The following ZNF804B variants were observed in gnomAD, a reference collection of about 807,000 sequenced individuals.
The protein encoded by ZNF804B is zinc finger 804B.
In ZNF804B, 80 loss-of-function variants were observed where a neutral mutation model predicts 101.4. The observed-to-expected ratio is 0.79, with a 90% CI of 0.66 to 0.95. The LOEUF is 0.95. Among genes scored for constraint, ZNF804B ranks in the 40% least tolerant of loss-of-function variants. The pLI is 0.00. For synonymous variants in ZNF804B, 622 were observed against 558.8 expected (o/e 1.11, Z -1.59); for missense variants, 1,673 against 1,561.9 (o/e 1.07, Z -1.20).
chr7:89,124,365 G>A (rs983100907), intron 1 of ZNF804B, among the ~76,000 whole-genome samples: 1 of 152,130 alleles, frequency 6.6e-6, no homozygotes, highest in African/African-American at 2.4e-5. Context: ...ATACAAGGGA[G>A]AAAAGTTTGG....
chr7:88,875,701 A>T (rs551995472), intron 1 of ZNF804B, among the ~76,000 whole-genome samples: 4 of 152,106 alleles, frequency 2.6e-5, no homozygotes, highest in African/African-American at 9.7e-5. Flanking sequence ...CCAGGACCAG[A>T]TGGATTCACA....
chr7:88,785,930 T>C (rs1012602323), intron 1 of ZNF804B, among the ~76,000 whole-genome samples: 8 of 152,126 alleles, frequency 5.3e-5, no homozygotes, highest in Non-Finnish European at 5.9e-5. Context: ...TAGGAAACCA[T>C]TGTAACTTGT....
chr7:89,101,008 A>T (rs938507275), intron 1 of ZNF804B, among the ~76,000 whole-genome samples: 2 of 152,092 alleles, frequency 1.3e-5, no homozygotes, highest in African/African-American at 2.4e-5. Context: ...AATGTAATTC[A>T]TACCAAACCA....
intron 2 of ZNF804B, among the ~76,000 whole-genome samples, chr7:89,235,224 T>G (rs1789262378): frequency 6.6e-6 from 1 of 152,210 alleles, no homozygotes; most frequent in Admixed American, 6.5e-5. Context: ...TAGAAATTTC[T>G]GTTTATTTTT....
intron 1 of ZNF804B, chr7:88,794,966 G>T: frequency 6.6e-7 from 1 of 1,526,496 alleles, no homozygotes; most frequent in Non-Finnish European, 8.8e-7. Flanking sequence ...TATTTTTCCA[G>T]ATGATTCCAG....
At position 88,819,840 on chromosome 7, in the gene ZNF804B, C is replaced by T. The variant is rs1466627034; in HGVS notation, c.108+59756C>T. ...AATTATGATTCCACTGCTTGAAATC[C>T]TGGCATTTATTGAAGATTCCTCAAA... On this transcript the variant is annotated intron_variant, in intron 1 of 3. Coordinates refer to ENST00000333190, the MANE Select transcript of ZNF804B (RefSeq NM_181646.5). Among the ~76,000 whole-genome samples the T allele has an allele frequency of 3.9e-5, 6 of 152,062 alleles. No homozygotes were observed. In the East Asian group the frequency reaches 1.2e-3, roughly 29 times the overall value.
At chr7:88,947,478 A>G (rs932958171) in intron 1 of ZNF804B, among the ~76,000 whole-genome samples, 2 of 151,840 alleles carry the variant, frequency 1.3e-5, no homozygotes, top group South Asian at 2.1e-4. Flanking sequence ...GAACACGTGG[A>G]CACAGGGAGG....
intron 1 of ZNF804B, among the ~76,000 whole-genome samples, chr7:88,786,230 C>T (rs770679745): frequency 1.3e-5 from 2 of 152,152 alleles, no homozygotes; most frequent in Admixed American, 1.3e-4. Context: ...GACACCTTGG[C>T]ACCTAAATTT....
At chr7:88,846,714 A>G (rs1481048392) in intron 1 of ZNF804B, among the ~76,000 whole-genome samples, 1 of 152,134 alleles carries the variant, frequency 6.6e-6, no homozygotes, top group Non-Finnish European at 1.5e-5. Context: ...AAAAGGGTAT[A>G]TGTCTATATG....
At chr7:89,092,747 C>T (rs190632299) in intron 1 of ZNF804B, among the ~76,000 whole-genome samples, 2 of 152,254 alleles carry the variant, frequency 1.3e-5, no homozygotes, top group Admixed American at 1.3e-4. Flanking sequence ...GTCTCCTCAG[C>T]TCCTTTGACA....
At chr7:88,955,161 T>C (rs1484236153) in intron 1 of ZNF804B, among the ~76,000 whole-genome samples, 1 of 151,436 alleles carries the variant, frequency 6.6e-6, no homozygotes, top group African/African-American at 2.4e-5. Flanking sequence ...GTAAATACTT[T>C]TTGAATGAGT....
intron 1 of ZNF804B, among the ~76,000 whole-genome samples, chr7:89,198,661 T>C (rs1056129901): frequency 6.6e-6 from 1 of 151,996 alleles, no homozygotes; most frequent in African/African-American, 2.4e-5. Context: ...GATTTATCTG[T>C]TATAAATTGA....
intron 2 of ZNF804B, among the ~76,000 whole-genome samples, chr7:89,281,472 A>G (rs982722541): frequency 6.6e-6 from 1 of 152,224 alleles, no homozygotes; most frequent in Non-Finnish European, 1.5e-5. Context: ...GATGATTTGT[A>G]AAAATTCATA....
intron 1 of ZNF804B, among the ~76,000 whole-genome samples, chr7:89,154,596 A>G (rs1283018354): frequency 1.3e-5 from 2 of 152,138 alleles, no homozygotes; most frequent in Non-Finnish European, 1.5e-5. Context: ...ATGTTAAGTG[A>G]AATAAGCTAC....
At chr7:88,922,614 T>C (rs985281111) in intron 1 of ZNF804B, among the ~76,000 whole-genome samples, 1 of 135,018 alleles carries the variant, frequency 7.4e-6, no homozygotes, top group East Asian at 2.4e-4. Flanking sequence ...CAGATACATA[T>C]ATATATATAT....
chr7:88,891,376 A>G (rs897833134), intron 1 of ZNF804B, among the ~76,000 whole-genome samples: 1 of 152,068 alleles, frequency 6.6e-6, no homozygotes, highest in Non-Finnish European at 1.5e-5. Context: ...ATTTTGTCCA[A>G]TAATAATAGC....
intron 1 of ZNF804B, among the ~76,000 whole-genome samples, chr7:88,815,972 G>C (rs530659251): frequency 2.6e-5 from 4 of 152,012 alleles, no homozygotes; most frequent in Non-Finnish European, 4.4e-5. Context: ...CTGTCACCCC[G>C]TACCAGGCCT....
rs546940106 is a variant in ZNF804B, at chr7:88,867,084, A to G, written c.108+107000A>G. Among the ~76,000 whole-genome samples the G allele has an allele frequency of 3.9e-5, 6 of 152,336 alleles. No homozygotes were observed. The East Asian group carries it at 9.6e-4, about 24-fold the overall frequency. The stretch of plus-strand genomic sequence containing the variant: ...GTACATAAGAAACATGAGAAAAATA[A>G]TAGCTGGTGGGGAAGACTCTAAGTA... On this transcript the variant is annotated intron_variant, in intron 1 of 3. Coordinates refer to ENST00000333190, the MANE Select transcript of ZNF804B (RefSeq NM_181646.5).
chr7:88,814,488 A>G lies in ZNF804B; in HGVS notation c.108+54404A>G, dbSNP rs538557671. 5.9e-5 allele frequency among the ~76,000 whole-genome samples: 8 copies of G among 136,158 alleles called. No individual in the cohort carries two copies. In the South Asian group the frequency reaches 2.0e-3, roughly 34 times the overall value. 89.3% of individuals were successfully genotyped at this position (136,158 alleles called of 152,430 possible). ...CACACACACACACACACACACACAC[A>G]CACAGAAAGTTTAATGATAATAGCA... On this transcript the variant is annotated intron_variant, in intron 1 of 3. Coordinates refer to ENST00000333190, the MANE Select transcript of ZNF804B (RefSeq NM_181646.5).
Sources: gnomAD v4.1 joint callset for allele counts (sites outside exome capture counted in the v4.1 genomes callset) on GRCh38, gnomAD v4.1.1 for gene constraint, MANE v1.5 for transcripts, NCBI Gene and HGNC (gene_info 2026-07-23, HGNC 2026-07-21) for gene names.